NFAM1: variants seen among roughly 807,000 people sequenced by gnomAD.
NFAM1 encodes NFAT activating protein with ITAM motif 1.
In NFAM1, 17 loss-of-function variants were observed where a neutral mutation model predicts 29.0. The ratio of observed to expected loss-of-function variants is 0.59; its 90% CI spans 0.40 to 0.88. The LOEUF (loss-of-function observed/expected upper bound fraction) is 0.88, where lower values mean the gene tolerates loss of function less well. Among genes scored for constraint, NFAM1 ranks in the 40% least tolerant of loss-of-function variants. The pLI is 0.00. For missense variants in NFAM1, 324 were observed against 344.6 expected, an observed-to-expected ratio of 0.94 and a Z score of 0.47; for synonymous variants, 175 against 147.2, an observed-to-expected ratio of 1.19 and a Z score of -1.36.
At chr22:42,430,691 G>A (rs1306531744) in intron 1 of NFAM1, among the ~76,000 whole-genome samples, 8 of 151,974 alleles carry the variant, frequency 5.3e-5, no homozygotes, top group Non-Finnish European at 7.4e-5. Context: ...TTGCAATACC[G>A]GGTGGGAGGG....
At chr22:42,386,719 G>A (rs560965179) in intron 5 of NFAM1, among the ~76,000 whole-genome samples, 2 of 152,304 alleles carry the variant, frequency 1.3e-5, no homozygotes, top group Non-Finnish European at 2.9e-5. Flanking sequence ...TCTATGAGGT[G>A]GGTACTGTTA....
chr22:42,433,004 G>A (rs939585983), upstream of NFAM1, among the ~76,000 whole-genome samples: 5 of 152,034 alleles, frequency 3.3e-5, no homozygotes, highest in Admixed American at 6.5e-5. Flanking sequence ...CATCTCTAAC[G>A]TCAGCTCCTC....
intron 2 of NFAM1, among the ~76,000 whole-genome samples, chr22:42,411,019 C>CTTTTTTTTTTT (rs138369373): frequency 2.2e-4 from 27 of 121,766 alleles, no homozygotes; most frequent in African/African-American, 5.3e-4. Context: ...CTTTTCTTTT[C>CTTTTTTTTTTT]TTTTTTTTTT....
rs1034519299 is a variant in NFAM1, at chr22:42,401,165, G to A, written c.565-3209C>T. ...AAGTCTGCAGGGGACTGAAGCAGAC[G>A]TCTCAGGGCCATCTTGCGCTGTCTT... On this transcript the variant is annotated intron_variant, in intron 3 of 5. Transcript: ENST00000329021. Among the ~76,000 whole-genome samples the A allele has an allele frequency of 5.3e-4, 80 of 152,350 alleles. 1 individual carries two copies. The highest frequency in any genetic ancestry group is 1.3e-3 in the African/African-American group (56 of 41,572).
At chr22:42,431,753 A>C (rs6002737) in intron 1 of NFAM1, among the ~76,000 whole-genome samples, 24,040 of 151,750 alleles carry the variant, frequency 0.16, 2,790 homozygotes, top group African/African-American at 0.31. Flanking sequence ...CTGGGCGCAG[A>C]GCCCTGTGGC....
chr22:42,414,723 TA>T (rs1930201196), intron 1 of NFAM1, among the ~76,000 whole-genome samples: 1 of 151,842 alleles, frequency 6.6e-6, no homozygotes, highest in African/African-American at 2.4e-5. Flanking sequence ...GTGACCTCCA[TA>T]TCCTCACCCG....
At chr22:42,404,053 A>G (rs1929812551) in intron 3 of NFAM1, among the ~76,000 whole-genome samples, 1 of 151,998 alleles carries the variant, frequency 6.6e-6, no homozygotes, top group Admixed American at 6.6e-5. Flanking sequence ...CTCTACCCCC[A>G]TCCCTCCTGC....
chr22:42,396,808 G>A (rs1345059467), intron 4 of NFAM1, among the ~76,000 whole-genome samples: 2 of 152,236 alleles, frequency 1.3e-5, no homozygotes, highest in African/African-American at 4.8e-5. Flanking sequence ...AGCAGACAAG[G>A]CTGTATCCTG....
Position 42,382,797 on chromosome 22 carries a change from C to A in NFAM1, c.*2364G>T. 1 of 153,436 alleles carries A rather than the reference C, an allele frequency of 6.5e-6. No homozygotes were observed. The highest frequency in any genetic ancestry group is 1.5e-5 in the Non-Finnish European group (1 of 68,676). The allele number at this position is 153,436 out of a possible 1,614,324, so 9.5% of individuals were successfully genotyped here. ...GGGTCCCGTCCTTTCATGCTGTGCT[C>A]TCCTCCTCCTCCTCCTCCTCCCTGC... On this transcript the variant is annotated 3_prime_UTR_variant, in exon 6 of 6. Transcript: ENST00000329021.
chr22:42,387,079 C>G lies in NFAM1; in HGVS notation c.664-1G>C. On this transcript the variant is annotated splice_acceptor_variant, in intron 4 of 5. Transcript: ENST00000329021. LOFTEE classifies it high-confidence loss of function. ...CCTCGGTCTCGCGGCGCTGCAGAGC[C>G]TACAGGAAACGGGGTGCCAGGATCA... The G allele has an allele frequency of 6.4e-7, 1 of 1,567,382 alleles. No homozygotes were observed. Among genetic ancestry groups the G allele is most frequent in the South Asian group, 1.2e-5 (1 of 86,566 alleles).
At chr22:42,423,667 C>T (rs1376881763) in intron 1 of NFAM1, among the ~76,000 whole-genome samples, 1 of 151,744 alleles carries the variant, frequency 6.6e-6, no homozygotes, top group Non-Finnish European at 1.5e-5. Flanking sequence ...TGCAGTGAGC[C>T]ATGACTGTAT....
intron 5 of NFAM1, among the ~76,000 whole-genome samples, chr22:42,385,893 G>A (rs963427663): frequency 1.3e-5 from 2 of 152,144 alleles, no homozygotes; most frequent in East Asian, 1.9e-4. Context: ...CCAGGCGCCC[G>A]CACTCCCTGA....
chr22:42,391,022 C>T (rs1214055891), intron 4 of NFAM1, among the ~76,000 whole-genome samples: 3 of 152,084 alleles, frequency 2.0e-5, no homozygotes, highest in Non-Finnish European at 2.9e-5. Flanking sequence ...GGCTCAAAAC[C>T]GCCCAGCTGC....
chr22:42,434,141 G>A (rs148317551), upstream of NFAM1, among the ~76,000 whole-genome samples: 2 of 152,246 alleles, frequency 1.3e-5, no homozygotes, highest in East Asian at 1.9e-4. Context: ...GAGTTCTGCC[G>A]CCTCTGAGTC....
At chr22:42,430,327 A>C (rs935627969) in intron 1 of NFAM1, among the ~76,000 whole-genome samples, 7 of 152,204 alleles carry the variant, frequency 4.6e-5, no homozygotes, top group Non-Finnish European at 7.3e-5. Context: ...TGGGAGGCTG[A>C]GGCGGGCAGA....
intron 1 of NFAM1, among the ~76,000 whole-genome samples, chr22:42,431,707 G>A (rs886122370): frequency 1.3e-5 from 2 of 152,192 alleles, no homozygotes; most frequent in Non-Finnish European, 2.9e-5. Flanking sequence ...GAACTGGGAG[G>A]TGAGACCCTT....
chr22:42,408,406 G>C (rs541803242), intron 3 of NFAM1, among the ~76,000 whole-genome samples: 1 of 152,094 alleles, frequency 6.6e-6, no homozygotes, highest in South Asian at 2.1e-4. Flanking sequence ...GATGGTGCCA[G>C]TGTTCACGCC....
At chr22:42,397,568 C>T (rs1380464308) in intron 4 of NFAM1, among the ~76,000 whole-genome samples, 1 of 152,144 alleles carries the variant, frequency 6.6e-6, no homozygotes, top group Non-Finnish European at 1.5e-5. Flanking sequence ...CCAACTTGTG[C>T]CGTCACTACC....
At chr22:42,425,304 T>C (rs1930588375) in intron 1 of NFAM1, among the ~76,000 whole-genome samples, 1 of 152,226 alleles carries the variant, frequency 6.6e-6, no homozygotes. Flanking sequence ...CTCGCATTAG[T>C]GATTCCTTCT....
Sources: allele counts gnomAD v4.1 joint callset (sites outside exome capture counted in the v4.1 genomes callset), GRCh38; gene constraint gnomAD v4.1.1; transcripts MANE v1.5; gene names NCBI Gene and HGNC (gene_info 2026-07-23, HGNC 2026-07-21).